ACTA2: variants seen among roughly 807,000 people sequenced by gnomAD.
ACTA2 encodes the protein actin alpha 2, smooth muscle, also known as actin, aortic smooth muscle.
ACTA2 carries 12 observed loss-of-function variants against 39.5 expected under a neutral mutation model. The observed-to-expected ratio is 0.30, with a 90% CI of 0.19 to 0.49. The LOEUF (loss-of-function observed/expected upper bound fraction) is 0.49, where lower values mean the gene tolerates loss of function less well. Ranked by LOEUF, ACTA2 falls within the 20% of genes least tolerant of loss-of-function variation. ACTA2 has a pLI of 0.99. For synonymous variants in ACTA2, 158 were observed against 180.6 expected (o/e 0.88, Z 1.00); for missense variants, 236 against 498.8 (o/e 0.47, Z 5.02).
intron 1 of ACTA2, among the ~76,000 whole-genome samples, chr10:88,972,871 T>C (rs1430229544): frequency 6.6e-6 from 1 of 152,240 alleles, no homozygotes; most frequent in Non-Finnish European, 1.5e-5. Flanking sequence ...CAGTGTCTAC[T>C]TAACTGAGAC....
At chr10:88,971,988 A>T (rs1846458150) in intron 1 of ACTA2, among the ~76,000 whole-genome samples, 1 of 151,560 alleles carries the variant, frequency 6.6e-6, no homozygotes. Flanking sequence ...AGCTCACTGC[A>T]ACTTCTGCCT....
chr10:88,953,273 T>A (rs889796084), upstream of ACTA2, among the ~76,000 whole-genome samples: 1 of 151,664 alleles, frequency 6.6e-6, no homozygotes, highest in African/African-American at 2.4e-5. Context: ...ATAGAGGGAG[T>A]GATGATTTTA....
At chr10:88,935,437 A>C (rs1845717484) in intron 8 of ACTA2, 71 bp from the exon 9 acceptor site, 5 of 1,543,942 alleles carry the variant, frequency 3.2e-6, no homozygotes, top group Non-Finnish European at 4.5e-6. Context: ...GGTAGGACAG[A>C]GCCTGGATGT....
Position 88,990,620 on chromosome 10 carries a change from C to A in ACTA2, c.-24+319G>T, listed in dbSNP as rs1489936757. 4 of 687,956 alleles carry A rather than the reference C, an allele frequency of 5.8e-6. No individual in the cohort carries two copies. Among genetic ancestry groups the A allele is most frequent in the Non-Finnish European group, 1.1e-5 (4 of 377,170 alleles). The allele number at this position is 687,956 out of a possible 1,614,324, so 42.6% of individuals were successfully genotyped here. ...CGAGGCTTCCTTCCCATCCTCCTGA[C>A]CACCGGGGCTTTTCGTGAGCTCGTC... On this transcript the variant is annotated intron_variant, in intron 1 of 4. Transcript: ENST00000415557. This position sits in a 1 kb window ranked among gnomAD's most constrained non-coding sequence, Gnocchi z 4.9.
At chr10:88,942,727 G>A (rs1589395319) in intron 4 of ACTA2, among the ~76,000 whole-genome samples, 2 of 151,262 alleles carry the variant, frequency 1.3e-5, no homozygotes, top group East Asian at 3.9e-4. Flanking sequence ...TTGCTAGCAA[G>A]CCATAATTTC....
intron 1 of ACTA2, among the ~76,000 whole-genome samples, chr10:88,970,989 C>T (rs1264908620): frequency 3.9e-5 from 6 of 152,114 alleles, no homozygotes; most frequent in African/African-American, 9.7e-5. Flanking sequence ...CAGATTCCTC[C>T]GCCCAAAGGC....
chr10:88,979,218 G>A (rs185147816), intron 1 of ACTA2, among the ~76,000 whole-genome samples: 1 of 151,976 alleles, frequency 6.6e-6, no homozygotes, highest in Non-Finnish European at 1.5e-5. Context: ...GGGATCTGGG[G>A]AGGAGAGATA....
upstream of ACTA2, among the ~76,000 whole-genome samples, chr10:88,955,355 A>T (rs372709594): frequency 3.3e-5 from 5 of 152,180 alleles, no homozygotes; most frequent in African/African-American, 1.2e-4. Context: ...TTTTTTCTAG[A>T]CTGATCATAT....
chr10:88,977,011 A>G (rs1207589222), intron 1 of ACTA2, among the ~76,000 whole-genome samples: 4 of 152,190 alleles, frequency 2.6e-5, no homozygotes, highest in Non-Finnish European at 5.9e-5. Flanking sequence ...ACATATCCCA[A>G]AGGAGAAGCT....
intron 1 of ACTA2, among the ~76,000 whole-genome samples, chr10:88,969,738 G>C (rs1846390823): frequency 1.3e-5 from 2 of 152,268 alleles, no homozygotes; most frequent in South Asian, 4.1e-4. Context: ...AGTACTTACT[G>C]TAGTTTGTAG....
At chr10:88,947,481 G>C in intron 2 of ACTA2, 95 bp from the exon 3 acceptor site, 1 of 1,550,622 alleles carries the variant, frequency 6.4e-7, no homozygotes, top group South Asian at 1.1e-5. Context: ...GAGATGGGAA[G>C]TTCCTCTTCT....
intron 1 of ACTA2, among the ~76,000 whole-genome samples, chr10:88,966,623 A>C (rs551937221): frequency 6.6e-6 from 1 of 152,302 alleles, no homozygotes; most frequent in East Asian, 1.9e-4. Flanking sequence ...CAGAGTGCCT[A>C]AAATTCTGTC....
At position 88,935,106 on chromosome 10, in the gene ACTA2, A is replaced by C; in HGVS notation, c.*117T>G. 1 of 1,435,814 alleles carries C rather than the reference A, an allele frequency of 7.0e-7. No individual in the cohort carries two copies. Among genetic ancestry groups the C allele is most frequent in the Non-Finnish European group, 9.6e-7 (1 of 1,036,480 alleles). The allele number at this position is 1,435,814 out of a possible 1,614,324, so 88.9% of individuals were successfully genotyped here. On this transcript the variant is annotated 3_prime_UTR_variant, in exon 9 of 9. Transcript: ENST00000224784. ...TAGCCTATTTCAGATTTATTAAAAA[A>C]CACATAGGTAACGAGTCAGAGCTTT...
intron 1 of ACTA2, among the ~76,000 whole-genome samples, chr10:88,987,605 G>C (rs1188869899): frequency 6.6e-6 from 1 of 152,202 alleles, no homozygotes; most frequent in Non-Finnish European, 1.5e-5. Context: ...GAAAAAGAAA[G>C]GGTTTGTGTC....
At position 88,948,956 on chromosome 10, in the gene ACTA2, A is replaced by G. The variant is rs758899722; in HGVS notation, c.-23-3T>C. ...AGCTGGAGCTGCTTCACAGGATTCT[A>G]TAGAAAACAGGGAGGAAGCAGCCTC... On this transcript the variant is annotated splice_region_variant and splice_polypyrimidine_tract_variant and intron_variant, in intron 1 of 8. Transcript: ENST00000224784. 5 of 1,613,258 alleles carry G rather than the reference A, an allele frequency of 3.1e-6. No individual in the cohort carries two copies. Among genetic ancestry groups the G allele is most frequent in the Non-Finnish European group, 3.4e-6 (4 of 1,179,494 alleles).
At chr10:88,964,747 GTATCTACA>G (rs1485090267) in intron 1 of ACTA2, among the ~76,000 whole-genome samples, 1 of 152,130 alleles carries the variant, frequency 6.6e-6, no homozygotes, top group Non-Finnish European at 1.5e-5. Flanking sequence ...TCAGCAAAAA[GTATCTACA>G]TATCTTGTAC....
upstream of ACTA2, among the ~76,000 whole-genome samples, chr10:88,956,438 A>C (rs1264474358): frequency 1.3e-5 from 2 of 152,158 alleles, no homozygotes; most frequent in South Asian, 4.1e-4. Flanking sequence ...TCTTAGAAGG[A>C]CCTTCGTGAA....
At chr10:88,962,746 A>G (rs1293435740) in intron 1 of ACTA2, among the ~76,000 whole-genome samples, 3 of 151,730 alleles carry the variant, frequency 2.0e-5, no homozygotes, top group African/African-American at 7.3e-5. Flanking sequence ...TCATGCTGCT[A>G]ATAAAGACAT....
chr10:88,938,028 G>A (rs776851189), intron 8 of ACTA2, 33 bp downstream of exon 8: 21 of 1,612,296 alleles, frequency 1.3e-5, no homozygotes, highest in South Asian at 1.2e-4. Flanking sequence ...CACTGCTGGC[G>A]GCATTGCCAC....
Sources: allele counts gnomAD v4.1 joint callset (sites outside exome capture counted in the v4.1 genomes callset), GRCh38; gene constraint gnomAD v4.1.1; non-coding constraint Gnocchi (gnomAD v3.1); transcripts MANE v1.5; gene names NCBI Gene and HGNC (gene_info 2026-07-23, HGNC 2026-07-21).